The following CSMD1 variants were observed in gnomAD, a reference collection of about 807,000 sequenced individuals.
CSMD1 encodes the protein CUB and sushi domain-containing protein 1.
CSMD1 carries 213 observed loss-of-function variants against 417.5 expected under a neutral mutation model. The observed-to-expected ratio is 0.51, with a 90% CI of 0.46 to 0.57. The LOEUF (loss-of-function observed/expected upper bound fraction) is 0.57, where lower values mean the gene tolerates loss of function less well. CSMD1 is among the 20% of genes least tolerant of loss of function. CSMD1 has a pLI of 0.00. For synonymous variants in CSMD1, 2,862 were observed against 1,736.8 expected (o/e 1.65, Z -16.11); for missense variants, 6,923 against 4,529.7 (o/e 1.53, Z -15.17).
At chr8:4,799,231 G>T (rs1452609767) in intron 1 of CSMD1, among the ~76,000 whole-genome samples, 1 of 152,046 alleles carries the variant, frequency 6.6e-6, no homozygotes, top group East Asian at 1.9e-4. Flanking sequence ...AGAGTGAAAC[G>T]GTAAGGGATA....
Position 3,401,763 on chromosome 8 carries a change from C to T in CSMD1, c.2267-2234G>A, listed in dbSNP as rs553713571. Among the ~76,000 whole-genome samples the T allele has an allele frequency of 6.6e-5, 10 of 152,248 alleles. No homozygotes were observed. In the East Asian group the frequency reaches 1.9e-3, roughly 29 times the overall value. ...CCAGAAGTTGAGTACAGCATTTCCT[C>T]ATATACCTAATTGACCAGAACCCAT... is the stretch of plus-strand genomic sequence containing the variant. On this transcript the variant is annotated intron_variant, in intron 15 of 69. Coordinates refer to ENST00000635120, the MANE Select transcript of CSMD1 (RefSeq NM_033225.6).
rs541161908 is a variant in CSMD1, at chr8:3,515,407, G to A, written c.1345-21681C>T. 1.1e-4 allele frequency: 16 copies of A among 152,306 alleles called. No homozygotes were observed. In the East Asian group the frequency reaches 3.1e-3, roughly 29 times the overall value. 9.4% of individuals were successfully genotyped at this position (152,306 alleles called of 1,614,324 possible). ...TCTTTATGATCTTGAAAATGTTGGT[G>A]AAGTTTAGACACTTGGTGACAAATT... On this transcript the variant is annotated intron_variant, in intron 10 of 69. Transcript: ENST00000635120.
chr8:3,102,106 G>C (rs967730302), intron 46 of CSMD1, among the ~76,000 whole-genome samples: 2 of 152,180 alleles, frequency 1.3e-5, no homozygotes, highest in African/African-American at 4.8e-5. Context: ...ACTTCTAAAA[G>C]TGTGGTTATG....
chr8:4,755,532 T>C (rs1003027726), intron 1 of CSMD1, among the ~76,000 whole-genome samples: 1 of 152,188 alleles, frequency 6.6e-6, no homozygotes, highest in Non-Finnish European at 1.5e-5. Context: ...AACTCTGTCT[T>C]ATACACCTGT....
chr8:4,116,262 G>C (rs1315827784), intron 3 of CSMD1, among the ~76,000 whole-genome samples: 1 of 152,052 alleles, frequency 6.6e-6, no homozygotes, highest in East Asian at 1.9e-4. Context: ...CCACAGTGCT[G>C]GGATTACAAG....
chr8:2,997,961 G>C (rs1361094626), intron 54 of CSMD1, 50 bp downstream of exon 54: 1 of 1,567,284 alleles, frequency 6.4e-7, no homozygotes, highest in Non-Finnish European at 8.7e-7. Flanking sequence ...TTACTGGGCA[G>C]CCTAGAACAC....
intron 5 of CSMD1, among the ~76,000 whole-genome samples, chr8:3,896,828 T>C (rs890136083): frequency 1.3e-5 from 2 of 152,070 alleles, no homozygotes; most frequent in African/African-American, 4.8e-5. Context: ...ACATCAAGTT[T>C]GAACCAAAAA....
At chr8:4,442,077 T>C (rs1798516431) in intron 2 of CSMD1, among the ~76,000 whole-genome samples, 1 of 152,150 alleles carries the variant, frequency 6.6e-6, no homozygotes, top group African/African-American at 2.4e-5. Context: ...TGCTCAGAGT[T>C]TGAGTTGTAG....
At chr8:3,362,454 C>G (rs1809254885) in intron 20 of CSMD1, among the ~76,000 whole-genome samples, 1 of 152,184 alleles carries the variant, frequency 6.6e-6, no homozygotes, top group African/African-American at 2.4e-5. Context: ...TCTTTTTTCT[C>G]CAAAGGCTTT....
At chr8:3,659,686 TGG>T (rs1798312561) in intron 7 of CSMD1, among the ~76,000 whole-genome samples, 1 of 152,126 alleles carries the variant, frequency 6.6e-6, no homozygotes. Flanking sequence ...GTTAACAATA[TGG>T]GCTTTCCAAA....
chr8:3,293,870 A>C (rs1803764579), intron 25 of CSMD1, among the ~76,000 whole-genome samples: 1 of 152,156 alleles, frequency 6.6e-6, no homozygotes, highest in Non-Finnish European at 1.5e-5. Context: ...ATTGCTGGTG[A>C]GGAGCTGTGT....
chr8:3,049,024 A>G (rs1280543755), intron 50 of CSMD1, among the ~76,000 whole-genome samples: 1 of 152,114 alleles, frequency 6.6e-6, no homozygotes, highest in Non-Finnish European at 1.5e-5. Flanking sequence ...AATTAAAGCA[A>G]TAATAAGATA....
At chr8:4,041,038 A>C (rs1423481652) in intron 3 of CSMD1, among the ~76,000 whole-genome samples, 1 of 105,884 alleles carries the variant, frequency 9.4e-6, no homozygotes, top group African/African-American at 4.1e-5. Flanking sequence ...TTTTTTTGAG[A>C]CGGAGTCTCG....
In CSMD1 at chr8:2,987,732, C is replaced by G. The variant is rs369264420; in HGVS notation, c.8378-8932G>C. ...GGGTTCATCACCGTTTCCCTCTGTGCCAGGGGACACACCCTGCCAGCGGCG... is the reference window on the plus strand; with the variant it reads ...GGGTTCATCACCGTTTCCCTCTGTGGCAGGGGACACACCCTGCCAGCGGCG... On this transcript the variant is annotated intron_variant, in intron 54 of 69. Transcript: ENST00000635120. Among the ~76,000 whole-genome samples, 351 of 152,312 alleles carry G rather than the reference C, an allele frequency of 2.3e-3. 2 individuals are homozygous for G. The highest frequency in any genetic ancestry group is 3.8e-3 in the Non-Finnish European group (260 of 68,032).
chr8:3,658,782 C>CA (rs1798260444), intron 7 of CSMD1, among the ~76,000 whole-genome samples: 1 of 151,928 alleles, frequency 6.6e-6, no homozygotes, highest in Non-Finnish European at 1.5e-5. Context: ...GACTCCACCT[C>CA]AAAAAATAAA....
intron 3 of CSMD1, among the ~76,000 whole-genome samples, chr8:4,203,968 G>A (rs993089617): frequency 6.6e-6 from 1 of 152,028 alleles, no homozygotes; most frequent in Admixed American, 6.6e-5. Context: ...AGGTGTGGTG[G>A]TGCACGCCTG....
chr8:3,893,080 G>C (rs2627433), intron 5 of CSMD1, among the ~76,000 whole-genome samples: 1 of 151,608 alleles, frequency 6.6e-6, no homozygotes, highest in Non-Finnish European at 1.5e-5. Context: ...GAGAAATGCT[G>C]GAATTAGCTT....
intron 3 of CSMD1, among the ~76,000 whole-genome samples, chr8:4,050,713 C>T (rs1429219851): frequency 6.6e-6 from 1 of 152,086 alleles, no homozygotes. Flanking sequence ...ACCTCAAAAA[C>T]TATTTAGTGA....
At chr8:3,384,772 T>A (rs1407576033) in intron 18 of CSMD1, among the ~76,000 whole-genome samples, 2 of 122,960 alleles carry the variant, frequency 1.6e-5, no homozygotes, top group Non-Finnish European at 3.2e-5. Context: ...TATAAATATA[T>A]ATTTATATAA....
Sources: allele counts gnomAD v4.1 joint callset (sites outside exome capture counted in the v4.1 genomes callset), GRCh38; gene constraint gnomAD v4.1.1; transcripts MANE v1.5; gene names NCBI Gene and HGNC (gene_info 2026-07-23, HGNC 2026-07-21).